KLHDC4: variants seen among roughly 807,000 people sequenced by gnomAD.
The protein encoded by KLHDC4 is kelch domain containing 4.
In KLHDC4, 90 loss-of-function variants were observed where a neutral mutation model predicts 62.4. The observed-to-expected ratio is 1.44, with a 90% CI of 1.22 to 1.72. The LOEUF is 1.72. KLHDC4 is among the 40% of genes most tolerant of loss of function. The probability of loss-of-function intolerance (pLI) is 0.00; values close to 1 mark genes in which losing one functional copy is unlikely to be tolerated. For synonymous variants in KLHDC4, 386 were observed against 284.4 expected (o/e 1.36, Z -3.59); for missense variants, 1,025 against 699.7 (o/e 1.47, Z -5.25).
Position 87,709,684 on chromosome 16 carries a change from G to A in KLHDC4, c.1045-17C>T, listed in dbSNP as rs992586058. 2 of 1,564,276 alleles carry A rather than the reference G, an allele frequency of 1.3e-6. No individual in the cohort carries two copies. The highest frequency in any genetic ancestry group is 1.7e-6 in the Non-Finnish European group (2 of 1,153,008). Reference sequence around the variant, plus strand: ...CTTGGGTCCCTATTAATAGACCGAGGAAGCAGAGAGCAGCAGCTTCAGCGA... The same window carrying A: ...CTTGGGTCCCTATTAATAGACCGAGAAAGCAGAGAGCAGCAGCTTCAGCGA... On this transcript the variant is annotated splice_polypyrimidine_tract_variant and intron_variant, in intron 9 of 11. Coordinates refer to ENST00000270583, the MANE Select transcript of KLHDC4 (RefSeq NM_017566.4).
downstream of KLHDC4, among the ~76,000 whole-genome samples, chr16:87,706,966 G>A (rs938374320): frequency 6.6e-6 from 1 of 152,224 alleles, no homozygotes; most frequent in African/African-American, 2.4e-5. Flanking sequence ...CGCCAGGAGG[G>A]AAGTCTCCCC....
intron 5 of KLHDC4, among the ~76,000 whole-genome samples, chr16:87,746,391 C>G (rs576962391): frequency 2.0e-5 from 3 of 151,992 alleles, no homozygotes; most frequent in Non-Finnish European, 4.4e-5. Flanking sequence ...GAGAAAGAGA[C>G]AGAGAGAGAA....
At chr16:87,748,837 G>T in intron 4 of KLHDC4, 28 bp from the exon 5 acceptor site, 1 of 1,610,260 alleles carries the variant, frequency 6.2e-7, no homozygotes, top group East Asian at 2.2e-5. Context: ...ACAGGTCAGG[G>T]CACAGCCACA....
chr16:87,718,418 G>A (rs1193336669), intron 7 of KLHDC4, among the ~76,000 whole-genome samples: 5 of 147,464 alleles, frequency 3.4e-5, no homozygotes, highest in South Asian at 2.2e-4. Flanking sequence ...CTCTGATGCC[G>A]AGCGGAGGCT....
chr16:87,765,480 G>C (rs1427506091), intron 1 of KLHDC4: 5 of 506,196 alleles, frequency 9.9e-6, no homozygotes, highest in African/African-American at 1.9e-5. Context: ...CCTCCCTTCA[G>C]AGGGAGGGTG....
At chr16:87,710,195 C>G (rs1308204684) in intron 9 of KLHDC4, 1 of 158,314 alleles carries the variant, frequency 6.3e-6, no homozygotes, top group Non-Finnish European at 1.4e-5. Context: ...GCTCTCAGGT[C>G]AGGCTGCCTC....
chr16:87,706,929 G>T (rs917544463), downstream of KLHDC4, among the ~76,000 whole-genome samples: 2 of 152,216 alleles, frequency 1.3e-5, no homozygotes, highest in African/African-American at 4.8e-5. Context: ...TCTCCCAGCG[G>T]TGCTTCCACC....
At chr16:87,736,341 C>A (rs1452841199) in intron 5 of KLHDC4, among the ~76,000 whole-genome samples, 4 of 152,182 alleles carry the variant, frequency 2.6e-5, no homozygotes, top group African/African-American at 7.2e-5. Flanking sequence ...TATGGTCCGT[C>A]GTGAACAGAA....
At position 87,748,778 on chromosome 16, in the gene KLHDC4, A is replaced by G. The variant is rs775000026; in HGVS notation, c.401T>C (p.Leu134Pro). 5.0e-6 allele frequency: 8 copies of G among 1,613,158 alleles called. No individual in the cohort carries two copies. The highest frequency in any genetic ancestry group is 6.8e-6 in the Non-Finnish European group (8 of 1,179,806). The part of the protein sequence containing the change: ...AVVVPQGGGQ[L>P]WVFGGEFASP... The stretch of plus-strand genomic sequence containing the variant: ...GGCAAACTCCCCTCCAAAGACCCAC[A>G]GCTGTCCGCCACCTTGAGGCACTAC... The change falls in exon 5 of 12, where the codon CTG becomes CCG. Residue 134 changes from leucine to proline, a missense_variant. Physicochemically the swap from Leu to Pro is moderately conservative, Grantham distance 98. Coordinates refer to ENST00000270583, the MANE Select transcript of KLHDC4 (RefSeq NM_017566.4).
At chr16:87,716,557 T>G (rs577285788) in intron 7 of KLHDC4, among the ~76,000 whole-genome samples, 1 of 152,124 alleles carries the variant, frequency 6.6e-6, no homozygotes, top group Admixed American at 6.5e-5. Flanking sequence ...ATTCCTCCTA[T>G]ATACTCCCTG....
downstream of KLHDC4, among the ~76,000 whole-genome samples, chr16:87,707,126 A>G (rs2034830394): frequency 6.6e-6 from 1 of 152,222 alleles, no homozygotes; most frequent in Non-Finnish European, 1.5e-5. Flanking sequence ...TCAATGCTCA[A>G]CTTTTGACCC....
rs754549811 is a variant in KLHDC4, at chr16:87,744,580, C to CA, written c.506+4092dup. On this transcript the variant is annotated intron_variant, in intron 5 of 11. Transcript: ENST00000270583. ...CCTGGGCAACAGAGCTAGACTGTCT[C>CA]AGAAAAAAAAAAAAAATAGAATTTG... Among the ~76,000 whole-genome samples, 371 of 137,038 alleles carry CA rather than the reference C, an allele frequency of 2.7e-3. 8 individuals carry two copies. The highest frequency in any genetic ancestry group is 0.024 in the Admixed American group (322 of 13,702). The allele number at this position is 137,038 out of a possible 152,430, so 89.9% of individuals were successfully genotyped here. A position where few individuals can be genotyped will look rare whatever the true frequency, so the allele number is the denominator to read the frequency against.
At chr16:87,747,822 C>T (rs1198104901) in intron 5 of KLHDC4, 1 of 152,410 alleles carries the variant, frequency 6.6e-6, no homozygotes, top group East Asian at 1.9e-4. Context: ...TGTGACATAA[C>T]CAAGCCCGGG....
rs750656500 is a variant in KLHDC4, at chr16:87,755,252, T to C, written c.311A>G (p.Lys104Arg). 1.2e-6 allele frequency: 2 copies of C among 1,611,146 alleles called. No individual in the cohort carries two copies. Among genetic ancestry groups the C allele is most frequent in the Admixed American group, 3.3e-5 (2 of 59,986 alleles). Residue 104 changes from lysine (K) to arginine (R), a missense_variant, in exon 4 of 12, where the codon AAG becomes AGG. By Grantham distance (26) the Lys-to-Arg change is conservative. Coordinates refer to ENST00000270583, the MANE Select transcript of KLHDC4 (RefSeq NM_017566.4). ...GATGTCAACTTTGGTCCAGGTGTCC[T>C]TTCTGGTATTGTAGACATAGAGCTC... ...YNELYVYNTR[K>R]DTWTKVDIPS... is the part of the protein sequence containing the mutation.
Position 87,756,456 on chromosome 16 carries a change from A to AG in KLHDC4, c.212_213insC (p.His72SerfsTer3). On this transcript the variant is annotated frameshift_variant, in exon 3 of 12. Transcript: ENST00000270583. LOFTEE classifies it high-confidence loss of function. ...GGATTAACTCATCTTTCTCAGGATG[A>AG]ACCGAGAGGGAGGCATTTAACCTAC... The AG allele has an allele frequency of 6.2e-7, 1 of 1,613,918 alleles. No homozygotes were observed. The highest frequency in any genetic ancestry group is 1.1e-5 in the South Asian group (1 of 90,984).
chr16:87,765,721 G>A, intron 1 of KLHDC4, 71 bp downstream of exon 1: 3 of 1,427,070 alleles, frequency 2.1e-6, no homozygotes, highest in South Asian at 2.6e-5. Context: ...GTAACCCCGG[G>A]GGGCGCAGGG....
At chr16:87,720,961 G>C (rs1051347507) in intron 7 of KLHDC4, among the ~76,000 whole-genome samples, 1 of 152,170 alleles carries the variant, frequency 6.6e-6, no homozygotes, top group Non-Finnish European at 1.5e-5. Flanking sequence ...GTCTGAACCG[G>C]GACAAGGCCC....
In KLHDC4 at chr16:87,765,906, G is replaced by C. The variant is rs528632579; in HGVS notation, c.-16C>G. 7 of 1,550,242 alleles carry C rather than the reference G, an allele frequency of 4.5e-6. No homozygotes were observed. Among genetic ancestry groups the C allele is most frequent in the East Asian group, 2.4e-5 (1 of 40,914 alleles). ...TCTTGCCCATCTTGCCGGGTCCCAA[G>C]CCGCGACGGGACACCAGGAAAGAAA... On this transcript the variant is annotated 5_prime_UTR_variant, in exon 1 of 12. Coordinates refer to ENST00000270583, the MANE Select transcript of KLHDC4 (RefSeq NM_017566.4).
intron 5 of KLHDC4, among the ~76,000 whole-genome samples, chr16:87,734,860 G>C (rs907574185): frequency 2.0e-5 from 3 of 151,442 alleles, no homozygotes; most frequent in East Asian, 1.9e-4. Context: ...CACTACACAT[G>C]AGAGTCAATT....
Sources: allele counts gnomAD v4.1 joint callset (sites outside exome capture counted in the v4.1 genomes callset), GRCh38; gene constraint gnomAD v4.1.1; transcripts MANE v1.5; gene names NCBI Gene and HGNC (gene_info 2026-07-23, HGNC 2026-07-21).